Variants in RIPOR2 observed in about 807,000 individuals in gnomAD.
The protein encoded by RIPOR2 is rho family-interacting cell polarization regulator 2.
RIPOR2 carries 39 observed loss-of-function variants against 114.5 expected under a neutral mutation model. That is an observed-to-expected ratio of 0.34 (90% CI 0.26 to 0.44). The LOEUF is 0.44. Among genes scored for constraint, RIPOR2 ranks in the 20% least tolerant of loss-of-function variants. The pLI is 1.00. For synonymous variants in RIPOR2, 445 were observed against 484.4 expected, an observed-to-expected ratio of 0.92 and a Z score of 1.07; for missense variants, 1,007 against 1,255.1, an observed-to-expected ratio of 0.80 and a Z score of 2.99.
chr6:24,938,714 C>G (rs1394383516), upstream of RIPOR2, among the ~76,000 whole-genome samples: 1 of 152,124 alleles, frequency 6.6e-6, no homozygotes, highest in Non-Finnish European at 1.5e-5. Flanking sequence ...CTCCTCTTCT[C>G]CAATTTAGAT....
At chr6:24,861,340 T>C (rs760255837) in intron 7 of RIPOR2, among the ~76,000 whole-genome samples, 1 of 152,190 alleles carries the variant, frequency 6.6e-6, no homozygotes, top group Non-Finnish European at 1.5e-5. Context: ...GGCAGTATCA[T>C]AGGGGAAAAA....
intron 6 of RIPOR2, among the ~76,000 whole-genome samples, chr6:24,866,519 T>A (rs1460549840): frequency 6.2e-4 from 4 of 6,424 alleles, no homozygotes; most frequent in African/African-American, 1.4e-3. Flanking sequence ...GGGTTGAAAA[T>A]TTTTTTTTTT....
intron 21 of RIPOR2, among the ~76,000 whole-genome samples, chr6:24,808,950 T>C (rs1206172900): frequency 6.6e-6 from 1 of 151,702 alleles, no homozygotes; most frequent in Non-Finnish European, 1.5e-5. Flanking sequence ...AGTAGATACA[T>C]GGTTTCATCA....
chr6:24,901,164 A>C (rs1768403061), intron 1 of RIPOR2, among the ~76,000 whole-genome samples: 1 of 152,130 alleles, frequency 6.6e-6, no homozygotes, highest in African/African-American at 2.4e-5. Flanking sequence ...ATACTCCCCC[A>C]GCTGGATTAT....
chr6:24,891,725 T>C (rs979219367), intron 1 of RIPOR2, among the ~76,000 whole-genome samples: 2 of 152,142 alleles, frequency 1.3e-5, no homozygotes, highest in Admixed American at 6.6e-5. Context: ...TTGGTTCCCC[T>C]CTCAGAGGCC....
Position 24,934,945 on chromosome 6 carries a change from TG to T in RIPOR2, c.61+892del, listed in dbSNP as rs546878040. Among the ~76,000 whole-genome samples the T allele has an allele frequency of 4.3e-3, 651 of 151,996 alleles. 5 individuals carry two copies. The highest frequency in any genetic ancestry group is 0.014 in the African/African-American group (595 of 41,444). ...CTACCAGGGCTCCAGTATCCCGACT[TG>T]GGAAAAAAGAAAATTGGAAAAGGGA... On this transcript the variant is annotated intron_variant, in intron 1 of 21. Transcript: ENST00000643898.
chr6:24,924,079 G>A (rs1177926281), intron 1 of RIPOR2, among the ~76,000 whole-genome samples: 2 of 152,058 alleles, frequency 1.3e-5, no homozygotes, highest in Non-Finnish European at 2.9e-5. Context: ...GCAGACCCAC[G>A]CTGGTCTGCT....
chr6:25,031,700 TATATATATATA>T (rs1461973518), intron 1 of RIPOR2, among the ~76,000 whole-genome samples: 1 of 1,472 alleles, frequency 6.8e-4, no homozygotes, highest in Non-Finnish European at 2.5e-3. Context: ...AGGTGGTAGT[TATATATATATA>T]TATATATATA....
At chr6:24,835,678 A>G in intron 15 of RIPOR2, 25 bp downstream of exon 15, 1 of 1,547,354 alleles carries the variant, frequency 6.5e-7, no homozygotes, top group Non-Finnish European at 8.7e-7. Flanking sequence ...TGGCATCTCA[A>G]ACACAAATTC....
At chr6:25,028,430 C>G (rs1392006081) in intron 1 of RIPOR2, among the ~76,000 whole-genome samples, 2 of 152,320 alleles carry the variant, frequency 1.3e-5, no homozygotes, top group Middle Eastern at 6.8e-3. Context: ...ACACATGTGT[C>G]TGAATGTTGG....
chr6:24,811,422 A>T (rs1430345322), intron 20 of RIPOR2, among the ~76,000 whole-genome samples: 1 of 148,986 alleles, frequency 6.7e-6, no homozygotes, highest in Admixed American at 6.7e-5. Flanking sequence ...TTTTTAGTAG[A>T]GACGGGGTTT....
rs560738317 is a variant in RIPOR2 at position 25,003,106 on chromosome 6, T to A, written c.76+38745A>T. Among the ~76,000 whole-genome samples the A allele has an allele frequency of 1.3e-5, 2 of 152,324 alleles. 1 individual carries two copies. The highest frequency in any genetic ancestry group is 1.3e-4 in the Admixed American group (2 of 15,302). Reference sequence around the variant, plus strand: ...TGTTTACGATTCACTTTTATTTTTATCAAGCGGATTAGATTGTAGAGAGAA... The same window carrying A: ...TGTTTACGATTCACTTTTATTTTTAACAAGCGGATTAGATTGTAGAGAGAA... On this transcript the variant is annotated intron_variant, in intron 1 of 13. Transcript: ENST00000510784.
intron 1 of RIPOR2, among the ~76,000 whole-genome samples, chr6:24,953,567 T>C (rs553187913): frequency 1.3e-5 from 2 of 152,280 alleles, no homozygotes; most frequent in Admixed American, 6.5e-5. Context: ...CTTCAAAGTG[T>C]GGTACCTTGG....
At chr6:24,870,434 C>T (rs1765044056) in intron 5 of RIPOR2, among the ~76,000 whole-genome samples, 1 of 152,140 alleles carries the variant, frequency 6.6e-6, no homozygotes, top group Non-Finnish European at 1.5e-5. Context: ...TTCCAGGATT[C>T]AAAAAACTAT....
At chr6:24,981,915 A>G (rs1774312699) in intron 1 of RIPOR2, among the ~76,000 whole-genome samples, 1 of 152,242 alleles carries the variant, frequency 6.6e-6, no homozygotes, top group South Asian at 2.1e-4. Context: ...CTAACATGGC[A>G]TAGAGAGGAA....
chr6:24,980,394 G>C (rs1774237868), intron 1 of RIPOR2, among the ~76,000 whole-genome samples: 1 of 152,138 alleles, frequency 6.6e-6, no homozygotes, highest in South Asian at 2.1e-4. Flanking sequence ...AAGACACCTG[G>C]TCATCTAAAA....
chr6:24,886,439 C>T (rs966844094), intron 1 of RIPOR2, among the ~76,000 whole-genome samples: 3 of 152,190 alleles, frequency 2.0e-5, no homozygotes, highest in Non-Finnish European at 4.4e-5. Flanking sequence ...TGTCCCTCCT[C>T]CCCACATTCC....
intron 12 of RIPOR2, among the ~76,000 whole-genome samples, chr6:24,845,504 T>C (rs1012306019): frequency 6.6e-6 from 1 of 152,106 alleles, no homozygotes; most frequent in Non-Finnish European, 1.5e-5. Context: ...TGGGAGACAC[T>C]GGGTATGGCA....
chr6:24,892,010 C>T (rs985158915), intron 1 of RIPOR2, among the ~76,000 whole-genome samples: 3 of 152,120 alleles, frequency 2.0e-5, no homozygotes, highest in South Asian at 2.1e-4. Context: ...AGGTGCGTGC[C>T]GCCACCCCCA....
Sources: allele counts gnomAD v4.1 joint callset (sites outside exome capture counted in the v4.1 genomes callset), GRCh38; gene constraint gnomAD v4.1.1; transcripts MANE v1.5; gene names NCBI Gene and HGNC (gene_info 2026-07-23, HGNC 2026-07-21).